The following PLXDC2 variants were observed in gnomAD, a reference collection of about 807,000 sequenced individuals.
The protein encoded by PLXDC2 is plexin domain containing 2, also known as plexin domain-containing protein 2.
Under a neutral mutation model 68.9 loss-of-function variants are expected in PLXDC2, and 40 were observed. The ratio of observed to expected loss-of-function variants is 0.58; its 90% CI spans 0.45 to 0.76. The LOEUF (loss-of-function observed/expected upper bound fraction) is 0.76, where lower values mean the gene tolerates loss of function less well. Ranked by LOEUF, PLXDC2 falls within the 30% of genes least tolerant of loss-of-function variation. The pLI is 0.00. For synonymous variants in PLXDC2, 243 were observed against 234.2 expected (o/e 1.04, Z -0.34); for missense variants, 644 against 661.9 (o/e 0.97, Z 0.30).
rs1836101081 is a variant in PLXDC2, at chr10:20,282,946, A to G, written c.*3127A>G. 1 of 152,202 alleles carries G rather than the reference A, an allele frequency of 6.6e-6. No homozygotes were observed. Among genetic ancestry groups the G allele is most frequent in the African/African-American group, 2.4e-5 (1 of 41,442 alleles). 9.4% of individuals were successfully genotyped at this position (152,202 alleles called of 1,614,324 possible). A position where few individuals can be genotyped will look rare whatever the true frequency, so the allele number is the denominator to read the frequency against. ...CAACGTGGCTTTTGAAATTAAAATTAATTAAAATTAAATTAAAAATGTAAT... is the reference window on the plus strand; with the variant it reads ...CAACGTGGCTTTTGAAATTAAAATTGATTAAAATTAAATTAAAAATGTAAT... On this transcript the variant is annotated 3_prime_UTR_variant, in exon 14 of 14. Coordinates refer to ENST00000377252, the MANE Select transcript of PLXDC2 (RefSeq NM_032812.9).
intron 1 of PLXDC2, among the ~76,000 whole-genome samples, chr10:19,903,354 C>T (rs1838190380): frequency 6.6e-6 from 1 of 151,048 alleles, no homozygotes; most frequent in African/African-American, 2.4e-5. Flanking sequence ...TTCAATCTCA[C>T]TTGTTACTGG....
chr10:20,140,845 A>G (rs1267827080), intron 4 of PLXDC2, among the ~76,000 whole-genome samples: 2 of 152,008 alleles, frequency 1.3e-5, no homozygotes, highest in East Asian at 3.9e-4. Context: ...GTAGAGTAGT[A>G]GGGTTTTTTT....
Position 20,119,377 on chromosome 10 carries a change from G to A in PLXDC2, c.542-23918G>A, listed in dbSNP as rs565717805. 1.2e-4 allele frequency among the ~76,000 whole-genome samples: 19 copies of A among 152,128 alleles called. No individual in the cohort carries two copies. The East Asian group carries it at 2.5e-3, about 20-fold the overall frequency. ...TAAAGGAAAAAGGGGGTTGTTCTCT[G>A]GCGGGCAGGAGTGGGGGTCACAAGG... On this transcript the variant is annotated intron_variant, in intron 4 of 13. Transcript: ENST00000377252.
intron 2 of PLXDC2, among the ~76,000 whole-genome samples, chr10:20,024,344 A>G (rs1835361896): frequency 6.6e-6 from 1 of 152,160 alleles, no homozygotes; most frequent in South Asian, 2.1e-4. Flanking sequence ...GCATAGACCT[A>G]TGTTGAACTT....
chr10:20,235,018 G>A (rs1028584820), intron 12 of PLXDC2, among the ~76,000 whole-genome samples: 5 of 152,166 alleles, frequency 3.3e-5, no homozygotes, highest in African/African-American at 1.2e-4. Context: ...AACTGCGGAA[G>A]GGTTGATCTT....
At chr10:20,046,607 A>G (rs1004846385) in intron 2 of PLXDC2, among the ~76,000 whole-genome samples, 1 of 152,130 alleles carries the variant, frequency 6.6e-6, no homozygotes, top group Non-Finnish European at 1.5e-5. Context: ...GCACTTAGAT[A>G]ATAAATGAAC....
chr10:20,060,515 T>C (rs577152365), intron 3 of PLXDC2, among the ~76,000 whole-genome samples: 152 of 144,272 alleles, frequency 1.1e-3, no homozygotes, highest in Non-Finnish European at 1.8e-3. Context: ...AAAAAAGTCA[T>C]TGAGGCTGGG....
At chr10:20,183,924 CA>C (rs1247002152) in intron 9 of PLXDC2, among the ~76,000 whole-genome samples, 1 of 151,932 alleles carries the variant, frequency 6.6e-6, no homozygotes. Context: ...CACTTTAAAA[CA>C]AAATTTTCCA....
chr10:20,024,390 G>A (rs894757717), intron 2 of PLXDC2, among the ~76,000 whole-genome samples: 3 of 152,094 alleles, frequency 2.0e-5, no homozygotes, highest in African/African-American at 7.2e-5. Flanking sequence ...ACACTGATGT[G>A]CTATTTGTTC....
chr10:20,091,745 C>T (rs1254091437), intron 4 of PLXDC2: 1 of 152,218 alleles, frequency 6.6e-6, no homozygotes, highest in Non-Finnish European at 1.5e-5. Context: ...TGGATTATCC[C>T]TGCAGGTCCT....
At chr10:20,216,670 A>G (rs1200998349) in intron 10 of PLXDC2, among the ~76,000 whole-genome samples, 2 of 152,226 alleles carry the variant, frequency 1.3e-5, no homozygotes, top group South Asian at 2.1e-4. Flanking sequence ...GAGGGAGTCC[A>G]CTGCGGCACA....
Position 19,912,660 on chromosome 10 carries a change from C to T in PLXDC2, c.113-89115C>T, listed in dbSNP as rs141970203. On this transcript the variant is annotated intron_variant, in intron 1 of 13. Coordinates refer to ENST00000377252, the MANE Select transcript of PLXDC2 (RefSeq NM_032812.9). ...ATCCTTATTTTACTTACTTTAAAAA[C>T]GGTAATAATTAACATTAGGAATAAC... is the stretch of plus-strand genomic sequence containing the variant. Among the ~76,000 whole-genome samples, 75 of 151,810 alleles carry T rather than the reference C, an allele frequency of 4.9e-4. 1 individual carries two copies. The highest frequency in any genetic ancestry group is 1.4e-3 in the East Asian group (7 of 5,174).
intron 9 of PLXDC2, among the ~76,000 whole-genome samples, chr10:20,187,970 TTAATC>T (rs1412429384): frequency 2.0e-5 from 3 of 151,834 alleles, no homozygotes; most frequent in African/African-American, 7.2e-5. Context: ...TAGAAAACTG[TTAATC>T]TAAAGTTCTT....
chr10:20,134,876 G>C (rs926772786), intron 4 of PLXDC2, among the ~76,000 whole-genome samples: 2 of 152,126 alleles, frequency 1.3e-5, no homozygotes, highest in South Asian at 2.1e-4. Context: ...GGTTCACTGG[G>C]ATGGGCCAGT....
chr10:19,956,544 G>A (rs558022766), intron 1 of PLXDC2, among the ~76,000 whole-genome samples: 1 of 152,030 alleles, frequency 6.6e-6, no homozygotes, highest in African/African-American at 2.4e-5. Flanking sequence ...AGAAACCTTT[G>A]GACTTGTGAA....
chr10:19,948,506 C>T (rs946208552), intron 1 of PLXDC2, among the ~76,000 whole-genome samples: 2 of 151,642 alleles, frequency 1.3e-5, no homozygotes, highest in Non-Finnish European at 2.9e-5. Context: ...GCTAGTTCCA[C>T]ATCTCTATTG....
chr10:19,831,973 C>G (rs912978746), intron 1 of PLXDC2, among the ~76,000 whole-genome samples: 22 of 152,168 alleles, frequency 1.4e-4, no homozygotes, highest in African/African-American at 5.3e-4. Flanking sequence ...AGCTTTAACT[C>G]TTTCATGGAT....
chr10:20,024,840 C>G (rs1013559506), intron 2 of PLXDC2, among the ~76,000 whole-genome samples: 1 of 152,086 alleles, frequency 6.6e-6, no homozygotes, highest in African/African-American at 2.4e-5. Context: ...TGTTCCTGCA[C>G]TAATTCTTAT....
intron 4 of PLXDC2, among the ~76,000 whole-genome samples, chr10:20,113,670 T>C (rs1233385871): frequency 1.3e-5 from 2 of 152,170 alleles, no homozygotes; most frequent in Non-Finnish European, 2.9e-5. Flanking sequence ...AAACAATAGA[T>C]AATGTGGAAA....
Sources: gnomAD v4.1 joint callset for allele counts (sites outside exome capture counted in the v4.1 genomes callset) on GRCh38, gnomAD v4.1.1 for gene constraint, MANE v1.5 for transcripts, NCBI Gene and HGNC (gene_info 2026-07-23, HGNC 2026-07-21) for gene names.